CSMD1: variants seen among roughly 807,000 people sequenced by gnomAD.
CSMD1 encodes CUB and Sushi multiple domains 1, also known as CUB and sushi domain-containing protein 1.
Under a neutral mutation model 417.5 loss-of-function variants are expected in CSMD1, and 213 were observed. The observed-to-expected ratio is 0.51, with a 90% confidence interval of 0.46 to 0.57. The LOEUF (loss-of-function observed/expected upper bound fraction) is 0.57. Ranked by LOEUF, CSMD1 falls within the 20% of genes least tolerant of loss-of-function variation. CSMD1 has a pLI of 0.00. For synonymous variants in CSMD1, 2,862 were observed against 1,736.8 expected (o/e 1.65, Z -16.11); for missense variants, 6,923 against 4,529.7 (o/e 1.53, Z -15.17).
chr8:4,864,812 T>C (rs1271344318), intron 1 of CSMD1, among the ~76,000 whole-genome samples: 3 of 151,422 alleles, frequency 2.0e-5, no homozygotes, highest in Non-Finnish European at 4.4e-5. Context: ...TTCTCTGTAA[T>C]CTTTTCATTG....
At chr8:4,964,465 A>G (rs1809715834) in intron 1 of CSMD1, among the ~76,000 whole-genome samples, 1 of 141,634 alleles carries the variant, frequency 7.1e-6, no homozygotes, top group Non-Finnish European at 1.5e-5. Flanking sequence ...GCTGCAGTGA[A>G]ACGTGATCCC....
chr8:2,935,431 C>A lies in CSMD1; in HGVS notation c.*3154G>T, dbSNP rs1455457344. ...GTGGCATTGCACAGGCTATATTACA[C>A]CCTCTTTATAATTTTTTTGACAAAA... On this transcript the variant is annotated 3_prime_UTR_variant, in exon 70 of 70. Transcript: ENST00000635120. 6.6e-6 allele frequency: 1 copy of A among 152,030 alleles called. No homozygotes were observed. Among genetic ancestry groups the A allele is most frequent in the Non-Finnish European group, 1.5e-5 (1 of 67,998 alleles). The allele number at this position is 152,030 out of a possible 1,614,324, so 9.4% of individuals were successfully genotyped here.
chr8:3,587,520 G>A (rs891211813), intron 8 of CSMD1, among the ~76,000 whole-genome samples: 2 of 152,024 alleles, frequency 1.3e-5, no homozygotes, highest in Admixed American at 6.6e-5. Flanking sequence ...ATAAATAGAT[G>A]CTTTCCTTTC....
intron 5 of CSMD1, among the ~76,000 whole-genome samples, chr8:3,915,405 C>CAAAAAAAA (rs778981187): frequency 1.3e-5 from 1 of 76,288 alleles, no homozygotes; most frequent in Non-Finnish European, 2.6e-5. Context: ...GACTCTGTCT[C>CAAAAAAAA]AAAAAAAAAA....
chr8:4,379,891 G>A (rs760059383), intron 3 of CSMD1, among the ~76,000 whole-genome samples: 21 of 152,302 alleles, frequency 1.4e-4, no homozygotes, highest in African/African-American at 2.4e-4. Context: ...GATGGAAGCC[G>A]TGTTCCACAC....
chr8:3,873,220 C>T (rs1309394089), intron 5 of CSMD1, among the ~76,000 whole-genome samples: 1 of 152,244 alleles, frequency 6.6e-6, no homozygotes, highest in African/African-American at 2.4e-5. Context: ...GCCAAAGGAA[C>T]AGCAATCATT....
chr8:4,340,992 T>C (rs924607039), intron 3 of CSMD1, among the ~76,000 whole-genome samples: 18 of 152,074 alleles, frequency 1.2e-4, no homozygotes, highest in Non-Finnish European at 2.1e-4. Context: ...TTAAAAATTA[T>C]CACAGTCATC....
chr8:4,078,881 A>G (rs2552142), intron 3 of CSMD1, among the ~76,000 whole-genome samples: 83,164 of 132,754 alleles, frequency 0.63, 27,200 homozygotes, highest in South Asian at 0.75. Context: ...ACTAAAATTA[A>G]TAATAATAAT....
chr8:3,495,950 G>A (rs10087592), intron 10 of CSMD1, among the ~76,000 whole-genome samples: 20,582 of 152,046 alleles, frequency 0.14, 1,503 homozygotes, highest in Middle Eastern at 0.18. Flanking sequence ...GGATGTGCAG[G>A]TTTGGGACAT....
intron 6 of CSMD1, among the ~76,000 whole-genome samples, chr8:3,722,190 G>A (rs750343497): frequency 1.3e-4 from 20 of 152,020 alleles, no homozygotes; most frequent in Non-Finnish European, 2.5e-4. Context: ...GCACCTGCAG[G>A]CCCACCTACT....
intron 2 of CSMD1, among the ~76,000 whole-genome samples, chr8:4,504,496 G>A (rs548055831): frequency 1.3e-5 from 2 of 152,264 alleles, no homozygotes; most frequent in African/African-American, 4.8e-5. Context: ...TTAAGTTCTG[G>A]AATACATGTG....
chr8:4,878,138 GGA>G (rs1437581186), intron 1 of CSMD1, among the ~76,000 whole-genome samples: 1 of 152,012 alleles, frequency 6.6e-6, no homozygotes, highest in Non-Finnish European at 1.5e-5. Context: ...CCTCAGAAGT[GGA>G]GTCTAAGAAA....
intron 3 of CSMD1, among the ~76,000 whole-genome samples, chr8:4,173,212 G>A (rs1797862490): frequency 6.6e-6 from 1 of 152,108 alleles, no homozygotes; most frequent in Non-Finnish European, 1.5e-5. Context: ...TCAGATAAAC[G>A]ACCAATAACT....
chr8:3,688,930 AAATT>A (rs1281615306), intron 7 of CSMD1, among the ~76,000 whole-genome samples: 19 of 152,156 alleles, frequency 1.2e-4, no homozygotes, highest in Non-Finnish European at 2.4e-4. Context: ...AAAAAAGTGA[AAATT>A]AAGTAATTAA....
At chr8:3,437,634 G>A (rs1032752170) in intron 12 of CSMD1, among the ~76,000 whole-genome samples, 6 of 152,116 alleles carry the variant, frequency 3.9e-5, no homozygotes, top group African/African-American at 1.2e-4. Flanking sequence ...CATAGAAGAT[G>A]GTTGTGATTA....
chr8:3,950,779 C>T (rs1563245532), intron 5 of CSMD1, among the ~76,000 whole-genome samples: 1 of 152,242 alleles, frequency 6.6e-6, no homozygotes, highest in East Asian at 1.9e-4. Flanking sequence ...ACAAACAGTA[C>T]ATGGTATAAA....
At chr8:3,098,063 T>C (rs1815453380) in intron 46 of CSMD1, among the ~76,000 whole-genome samples, 1 of 152,256 alleles carries the variant, frequency 6.6e-6, no homozygotes, top group Non-Finnish European at 1.5e-5. Context: ...AGTCTCCTAA[T>C]TAGTAATTTC....
chr8:3,967,108 C>T (rs1245822649), intron 5 of CSMD1, among the ~76,000 whole-genome samples: 1 of 152,142 alleles, frequency 6.6e-6, no homozygotes, highest in Admixed American at 6.5e-5. Context: ...CCATGATTTT[C>T]ATAGAGAAAC....
chr8:3,468,674 G>C, intron 12 of CSMD1, 38 bp downstream of exon 12: 2 of 1,336,598 alleles, frequency 1.5e-6, no homozygotes, highest in Non-Finnish European at 2.1e-6. Flanking sequence ...CTCTTGGAAT[G>C]CTAACTTCCA....
Sources: allele counts gnomAD v4.1 joint callset (sites outside exome capture counted in the v4.1 genomes callset), GRCh38; gene constraint gnomAD v4.1.1; transcripts MANE v1.5; gene names NCBI Gene and HGNC (gene_info 2026-07-23, HGNC 2026-07-21).